The following FAM3D variants were observed in gnomAD, a reference collection of about 807,000 sequenced individuals.
The protein encoded by FAM3D is FAM3 metabolism regulating signaling molecule D.
In FAM3D, 26 loss-of-function variants were observed where a neutral mutation model predicts 29.8. The observed-to-expected ratio is 0.87, with a 90% CI of 0.64 to 1.21. FAM3D has a LOEUF of 1.21. FAM3D is among the 50% of genes most tolerant of loss of function. The pLI, the probability that FAM3D is intolerant of heterozygous loss-of-function variation, is 0.00. For missense variants in FAM3D, 253 were observed against 290.9 expected (o/e 0.87, Z 0.95); for synonymous variants, 115 against 102.3 (o/e 1.12, Z -0.75).
At chr3:58,649,033 G>A (rs1009146846) in intron 4 of FAM3D, among the ~76,000 whole-genome samples, 1 of 152,148 alleles carries the variant, frequency 6.6e-6, no homozygotes, top group African/African-American at 2.4e-5. Flanking sequence ...GCAGGGTTCG[G>A]TCCAGACTGC....
chr3:58,635,623 G>C lies in FAM3D; in HGVS notation c.585+671C>G, dbSNP rs542629818. Among the ~76,000 whole-genome samples, 1 of 152,270 alleles carries C rather than the reference G, an allele frequency of 6.6e-6. No homozygotes were observed. The highest frequency in any genetic ancestry group is 1.9e-4 in the East Asian group (1 of 5,190). ...GCTGCAGCACCCCCACAGGACATTC[G>C]GGAACCACACCCGGCCGCCCCCGCC... is the stretch of plus-strand genomic sequence containing the variant. On this transcript the variant is annotated intron_variant, in intron 9 of 9. Transcript: ENST00000358781. The surrounding 1 kb of genome is among the most constrained non-coding windows in gnomAD (Gnocchi z 5.2).
chr3:58,637,244 G>C lies in FAM3D; in HGVS notation c.374-19C>G, dbSNP rs1029446163. On this transcript the variant is annotated intron_variant, in intron 7 of 9. Coordinates refer to ENST00000358781, the MANE Select transcript of FAM3D (RefSeq NM_138805.3). ...ATAACATCTGGGGGAGGAAGGAAAA[G>C]GTGCTGGTGATTTAGGGGAAATGAG... is the stretch of plus-strand genomic sequence containing the variant. The C allele has an allele frequency of 6.3e-7, 1 of 1,598,262 alleles. No homozygotes were observed. The highest frequency in any genetic ancestry group is 2.2e-5 in the East Asian group (1 of 44,600).
intron 6 of FAM3D, among the ~76,000 whole-genome samples, chr3:58,641,777 A>G (rs922979967): frequency 7.2e-5 from 11 of 152,240 alleles, no homozygotes; most frequent in Non-Finnish European, 1.3e-4. Context: ...TAAGTGCCCA[A>G]TAAATGCTAG....
At chr3:58,647,717 G>T (rs949698296) in intron 4 of FAM3D, among the ~76,000 whole-genome samples, 3 of 152,176 alleles carry the variant, frequency 2.0e-5, no homozygotes, top group East Asian at 1.9e-4. Context: ...TTGCTCTCTG[G>T]GTTCTGGCAT....
rs1378090507 is a variant in FAM3D at position 58,635,647 on chromosome 3, C to G, written c.585+647G>C. ...CGGGAACCACACCCGGCCGCCCCCGCCCACCGGCCTCCTGCGTTCTTCACT... is the reference window on the plus strand; with the variant it reads ...CGGGAACCACACCCGGCCGCCCCCGGCCACCGGCCTCCTGCGTTCTTCACT... On this transcript the variant is annotated intron_variant, in intron 9 of 9. Coordinates refer to ENST00000358781, the MANE Select transcript of FAM3D (RefSeq NM_138805.3). The surrounding 1 kb of genome is among the most constrained non-coding windows in gnomAD (Gnocchi z 5.2). 6.6e-6 allele frequency among the ~76,000 whole-genome samples: 1 copy of G among 152,144 alleles called. No individual in the cohort carries two copies. The highest frequency in any genetic ancestry group is 1.9e-4 in the East Asian group (1 of 5,196).
intron 1 of FAM3D, among the ~76,000 whole-genome samples, chr3:58,662,719 A>C (rs1263731005): frequency 2.0e-5 from 3 of 151,998 alleles, no homozygotes; most frequent in African/African-American, 7.3e-5. Context: ...TGACCACCCT[A>C]ATTTTCCTTT....
chr3:58,663,946 G>A (rs531832962), intron 1 of FAM3D, among the ~76,000 whole-genome samples: 2 of 152,324 alleles, frequency 1.3e-5, no homozygotes, highest in African/African-American at 4.8e-5. Flanking sequence ...TTTGTGGAAT[G>A]TGGCCTCCTT....
intron 6 of FAM3D, among the ~76,000 whole-genome samples, chr3:58,640,895 C>T (rs1426545043): frequency 6.6e-6 from 1 of 152,220 alleles, no homozygotes; most frequent in African/African-American, 2.4e-5. Flanking sequence ...CGAGCAGGCT[C>T]GCTTAGCAGC....
At chr3:58,649,294 T>C in intron 4 of FAM3D, 21 bp downstream of exon 4, 1 of 1,608,002 alleles carries the variant, frequency 6.2e-7, no homozygotes, top group Non-Finnish European at 8.5e-7. Context: ...GGGGGAGGTG[T>C]GGGGCTGCAC....
chr3:58,640,248 C>G (rs3749287), intron 6 of FAM3D, 71 bp from the exon 7 acceptor site: 801,471 of 1,527,980 alleles, frequency 0.52, 213,873 homozygotes, highest in South Asian at 0.67. Context: ...GCTGAAAATG[C>G]CTAATCTGTA....
Position 58,664,978 on chromosome 3 carries a change from T to G in FAM3D, c.-39+1598A>C, listed in dbSNP as rs113917622. On this transcript the variant is annotated intron_variant, in intron 1 of 9. Coordinates refer to ENST00000358781, the MANE Select transcript of FAM3D (RefSeq NM_138805.3). Reference sequence around the variant, plus strand: ...GAGCAGCTGCCCCAGCACCAGGAAATGTTGGCAAATGATGACTTCGAGCAT... The same window carrying G: ...GAGCAGCTGCCCCAGCACCAGGAAAGGTTGGCAAATGATGACTTCGAGCAT... 2.6e-5 allele frequency among the ~76,000 whole-genome samples: 4 copies of G among 152,204 alleles called. No individual in the cohort carries two copies. The East Asian group carries it at 5.8e-4, about 22-fold the overall frequency.
At chr3:58,651,658 G>T (rs185467245) in intron 3 of FAM3D, among the ~76,000 whole-genome samples, 27 of 152,264 alleles carry the variant, frequency 1.8e-4, no homozygotes, top group Non-Finnish European at 3.5e-4. Flanking sequence ...TACTGAGAGA[G>T]AAATAATTAC....
intron 1 of FAM3D, chr3:58,657,915 C>A (rs146684142): frequency 2.0e-5 from 3 of 152,248 alleles, no homozygotes; most frequent in Admixed American, 1.3e-4. Flanking sequence ...TACAAAGTTG[C>A]CCGGCAAAGG....
At position 58,635,292 on chromosome 3, in the gene FAM3D, T is replaced by C. The variant is rs1160388078; in HGVS notation, c.586-924A>G. Among the ~76,000 whole-genome samples, 1 of 152,254 alleles carries C rather than the reference T, an allele frequency of 6.6e-6. No homozygotes were observed. The highest frequency in any genetic ancestry group is 2.4e-5 in the African/African-American group (1 of 41,462). Reference sequence around the variant, plus strand: ...AAAACGTAAATGGCAAAATCTGCTGTTGGAATCATTGTGGCTGACTCTCAG... The same window carrying C: ...AAAACGTAAATGGCAAAATCTGCTGCTGGAATCATTGTGGCTGACTCTCAG... On this transcript the variant is annotated intron_variant, in intron 9 of 9. Coordinates refer to ENST00000358781, the MANE Select transcript of FAM3D (RefSeq NM_138805.3). The surrounding 1 kb of genome is among the most constrained non-coding windows in gnomAD (Gnocchi z 5.2).
At chr3:58,639,753 C>G (rs1575471444) in intron 7 of FAM3D, among the ~76,000 whole-genome samples, 3 of 152,314 alleles carry the variant, frequency 2.0e-5, no homozygotes, top group East Asian at 3.9e-4. Flanking sequence ...TCAGCACACT[C>G]CTAGCTCTGC....
chr3:58,666,156 T>C (rs1424473236), intron 1 of FAM3D, among the ~76,000 whole-genome samples: 2 of 152,224 alleles, frequency 1.3e-5, no homozygotes, highest in Non-Finnish European at 1.5e-5. Flanking sequence ...TTTTTTTGAA[T>C]CAATAGATGA....
intron 7 of FAM3D, among the ~76,000 whole-genome samples, chr3:58,639,207 G>C (rs921049494): frequency 6.6e-6 from 1 of 152,174 alleles, no homozygotes; most frequent in East Asian, 1.9e-4. Flanking sequence ...GGGAGCGAAG[G>C]GGAAGAGGAG....
chr3:58,665,941 C>G (rs2067021925), intron 1 of FAM3D, among the ~76,000 whole-genome samples: 2 of 152,178 alleles, frequency 1.3e-5, no homozygotes, highest in Admixed American at 1.3e-4. Context: ...TCCCATTTTA[C>G]AGATGAGGAA....
rs1018416083 is a variant in FAM3D at position 58,649,507 on chromosome 3, C to T, written c.122-169G>A. On this transcript the variant is annotated intron_variant, in intron 3 of 9. Coordinates refer to ENST00000358781, the MANE Select transcript of FAM3D (RefSeq NM_138805.3). ...TCACCCCTTCACACACATACATACACACACAGCACACATATACACAGATAC... is the reference window on the plus strand; with the variant it reads ...TCACCCCTTCACACACATACATACATACACAGCACACATATACACAGATAC... 2.5e-4 allele frequency: 175 copies of T among 688,626 alleles called. 1 individual carries two copies. Among genetic ancestry groups the T allele is most frequent in the Non-Finnish European group, 6.5e-5 (25 of 386,056 alleles). 42.7% of individuals were successfully genotyped at this position (688,626 alleles called of 1,614,324 possible).
Sources: gnomAD v4.1 joint callset for allele counts (sites outside exome capture counted in the v4.1 genomes callset) on GRCh38, gnomAD v4.1.1 for gene constraint, Gnocchi (gnomAD v3.1) non-coding constraint, MANE v1.5 for transcripts, NCBI Gene and HGNC (gene_info 2026-07-23, HGNC 2026-07-21) for gene names.